The following DPP6 variants were observed in gnomAD, a reference collection of about 807,000 sequenced individuals.
DPP6 encodes A-type potassium channel modulatory protein DPP6.
Under a neutral mutation model 122.6 loss-of-function variants are expected in DPP6, and 69 were observed. The observed-to-expected ratio is 0.56, with a 90% CI of 0.46 to 0.69. The LOEUF is 0.69. DPP6 is among the 30% of genes least tolerant of loss of function. DPP6 has a pLI of 0.00. For synonymous variants in DPP6, 418 were observed against 433.1 expected, an observed-to-expected ratio of 0.97 and a Z score of 0.43; for missense variants, 928 against 1,116.9, an observed-to-expected ratio of 0.83 and a Z score of 2.41.
Position 154,760,539 on chromosome 7 carries a change from G to A in DPP6, c.884-8878G>A, listed in dbSNP as rs1031916154. Among the ~76,000 whole-genome samples the A allele has an allele frequency of 1.3e-5, 2 of 152,096 alleles. No homozygotes were observed. Among genetic ancestry groups the A allele is most frequent in the Non-Finnish European group, 2.9e-5 (2 of 68,020 alleles). On this transcript the variant is annotated intron_variant, in intron 8 of 25. Transcript: ENST00000377770. This position sits in a 1 kb window ranked among gnomAD's most constrained non-coding sequence, Gnocchi z 4.5. ...GCTCAAGAACTTCTGTTAGCCATTC[G>A]TTTCTTTAACTCTTTGAGGCATTGT...
chr7:153,888,394 T>A (rs1023388165), intron 1 of DPP6, among the ~76,000 whole-genome samples: 2 of 152,212 alleles, frequency 1.3e-5, no homozygotes, highest in Non-Finnish European at 2.9e-5. Context: ...TCCGGGCAGC[T>A]GGCCAGGGGA....
At chr7:154,658,266 A>C (rs1313546217) in intron 6 of DPP6, among the ~76,000 whole-genome samples, 1 of 152,220 alleles carries the variant, frequency 6.6e-6, no homozygotes. Flanking sequence ...TGGAAAACTG[A>C]GGGCAGGGGA....
At chr7:154,781,360 G>A (rs774434765) in intron 10 of DPP6, among the ~76,000 whole-genome samples, 11 of 152,160 alleles carry the variant, frequency 7.2e-5, no homozygotes, top group African/African-American at 2.4e-4. Context: ...TCCCTAAGGC[G>A]CGTTCTCTGT....
At chr7:154,827,732 G>C (rs1292665831) in intron 16 of DPP6, among the ~76,000 whole-genome samples, 1 of 128,470 alleles carries the variant, frequency 7.8e-6, no homozygotes, top group Non-Finnish European at 1.7e-5. Flanking sequence ...TGGCGGGGGG[G>C]GGGTGGTGTC....
intron 1 of DPP6, among the ~76,000 whole-genome samples, chr7:154,138,929 A>G (rs569416555): frequency 6.4e-4 from 97 of 152,254 alleles, no homozygotes; most frequent in African/African-American, 2.2e-3. Context: ...TGCTGGAGAA[A>G]CACCCATACC....
chr7:153,975,388 ACT>A (rs200881823), intron 1 of DPP6, among the ~76,000 whole-genome samples: 1 of 147,010 alleles, frequency 6.8e-6, no homozygotes, highest in Non-Finnish European at 1.5e-5. Flanking sequence ...GATTTTCTAG[ACT>A]CTCTATTAGA....
intron 1 of DPP6, chr7:154,058,465 A>C (rs1801121553): frequency 9.0e-6 from 1 of 110,696 alleles, no homozygotes; most frequent in African/African-American, 3.6e-5. Flanking sequence ...GGCTGTTGGT[A>C]CCCCCATCGT....
intron 4 of DPP6, among the ~76,000 whole-genome samples, chr7:154,542,711 C>A (rs1828829989): frequency 6.6e-6 from 1 of 152,034 alleles, no homozygotes; most frequent in African/African-American, 2.4e-5. Context: ...TATTAAGCAC[C>A]AAATATGTAC....
At chr7:153,864,660 AAAT>A in the DPP6 span, among the ~76,000 whole-genome samples, 2 of 142,806 alleles carry the variant, frequency 1.4e-5, no homozygotes, top group Admixed American at 1.5e-4. Flanking sequence ...CTGTCTCAAA[AAAT>A]AATAATAATA....
At chr7:154,491,220 C>T (rs1335151856) in intron 3 of DPP6, among the ~76,000 whole-genome samples, 1 of 152,126 alleles carries the variant, frequency 6.6e-6, no homozygotes, top group Non-Finnish European at 1.5e-5. Flanking sequence ...GTTTTAAAAA[C>T]TTAATGTTGG....
At chr7:153,860,925 GC>G in the DPP6 span, among the ~76,000 whole-genome samples, 1 of 152,166 alleles carries the variant, frequency 6.6e-6, no homozygotes, top group African/African-American at 2.4e-5. Flanking sequence ...AATCCTCTGT[GC>G]CTACGAATAT....
At chr7:154,014,023 G>T (rs77354919) in intron 1 of DPP6, among the ~76,000 whole-genome samples, 12,716 of 152,034 alleles carry the variant, frequency 0.084, 709 homozygotes, top group African/African-American at 0.16. Context: ...GCCCAGGATT[G>T]CCCTGGCCAG....
At chr7:153,797,218 C>T in the DPP6 span, among the ~76,000 whole-genome samples, 2 of 152,276 alleles carry the variant, frequency 1.3e-5, no homozygotes, top group African/African-American at 2.4e-5. Flanking sequence ...AACCACACCT[C>T]GATTCTTGGC....
chr7:153,867,442 C>T, the DPP6 span, among the ~76,000 whole-genome samples: 2 of 152,050 alleles, frequency 1.3e-5, no homozygotes, highest in African/African-American at 4.8e-5. Context: ...CATGATTTGG[C>T]CCTCTGTTTG....
chr7:153,792,541 A>G, the DPP6 span, among the ~76,000 whole-genome samples: 1 of 152,192 alleles, frequency 6.6e-6, no homozygotes, highest in Admixed American at 6.5e-5. Context: ...TAATAGATGT[A>G]AGGCTACTCA....
intron 1 of DPP6, among the ~76,000 whole-genome samples, chr7:154,139,012 G>C (rs1795714642): frequency 6.6e-6 from 1 of 152,082 alleles, no homozygotes; most frequent in East Asian, 1.9e-4. Flanking sequence ...TTCTCTAAGA[G>C]CAGAGGAAGT....
chr7:154,707,433 G>C (rs1401082633), intron 7 of DPP6, among the ~76,000 whole-genome samples: 1 of 152,078 alleles, frequency 6.6e-6, no homozygotes, highest in Admixed American at 6.5e-5. Flanking sequence ...CAAGCATTCT[G>C]GATTTTAGGC....
intron 1 of DPP6, among the ~76,000 whole-genome samples, chr7:153,978,353 G>A (rs111407101): frequency 0.013 from 1,964 of 152,120 alleles, 43 homozygotes; most frequent in African/African-American, 0.044. Flanking sequence ...AAATGTCTTC[G>A]TTTGAAAAGT....
At chr7:154,456,696 G>A (rs1475384910) in intron 2 of DPP6, among the ~76,000 whole-genome samples, 1 of 152,134 alleles carries the variant, frequency 6.6e-6, no homozygotes, top group Non-Finnish European at 1.5e-5. Context: ...GTTATCCAAT[G>A]GAACCTCAAT....
Sources: allele counts gnomAD v4.1 joint callset (sites outside exome capture counted in the v4.1 genomes callset), GRCh38; gene constraint gnomAD v4.1.1; non-coding constraint Gnocchi (gnomAD v3.1); transcripts MANE v1.5; gene names NCBI Gene and HGNC (gene_info 2026-07-23, HGNC 2026-07-21).